Variants in MOB4 observed in about 807,000 individuals in gnomAD.
The protein encoded by MOB4 is MOB family member 4, phocein.
MOB4 carries 4 observed loss-of-function variants against 32.2 expected under a neutral mutation model. That is an observed-to-expected ratio of 0.12 (90% CI 0.06 to 0.28). MOB4 has a LOEUF of 0.28. MOB4 is among the 10% of genes least tolerant of loss of function. MOB4 has a pLI of 1.00. For synonymous variants in MOB4, 88 were observed against 88.1 expected (o/e 1.00, Z 0.01); for missense variants, 158 against 271.2 (o/e 0.58, Z 2.93).
Position 197,553,557 on chromosome 2 carries a change from C to T in MOB4, c.*2911C>T, listed in dbSNP as rs1255083588. 2 of 152,154 alleles carry T rather than the reference C, an allele frequency of 1.3e-5. No homozygotes were observed. Among genetic ancestry groups the T allele is most frequent in the Non-Finnish European group, 1.5e-5 (1 of 68,036 alleles). The allele number at this position is 152,154 out of a possible 1,614,324, so 9.4% of individuals were successfully genotyped here. A position where few individuals can be genotyped will look rare whatever the true frequency, so the allele number is the denominator to read the frequency against. On this transcript the variant is annotated 3_prime_UTR_variant, in exon 8 of 8. Transcript: ENST00000323303. ...TTATGTGAGTACTTTGCCCTACTGTCTATATGATGACATCTTTTTTGAGCA... is the reference window on the plus strand; with the variant it reads ...TTATGTGAGTACTTTGCCCTACTGTTTATATGATGACATCTTTTTTGAGCA...
chr2:197,532,431 T>A (rs1244670441), intron 2 of MOB4, among the ~76,000 whole-genome samples: 1 of 152,124 alleles, frequency 6.6e-6, no homozygotes, highest in Non-Finnish European at 1.5e-5. Context: ...TCCAGTACTT[T>A]GGGAGGCTGA....
At chr2:197,544,569 C>A (rs577844764) in intron 5 of MOB4, among the ~76,000 whole-genome samples, 1 of 152,034 alleles carries the variant, frequency 6.6e-6, no homozygotes, top group Non-Finnish European at 1.5e-5. Flanking sequence ...CTGGCTAACA[C>A]GGTGAAACCC....
In MOB4 at chr2:197,550,504, CCT is replaced by C. The variant is rs1281968171; in HGVS notation, c.547-6_547-5del. 1.3e-6 allele frequency: 2 copies of C among 1,585,936 alleles called. No homozygotes were observed. The highest frequency in any genetic ancestry group is 1.4e-5 in the African/African-American group (1 of 73,676). Reference sequence around the variant, plus strand: ...TGAATTAAAATAACATTTTTGTCTTCCTCTCTACAGAATGAAACATTTTTGTG... The same window carrying C: ...TGAATTAAAATAACATTTTTGTCTTCCTCTACAGAATGAAACATTTTTGTG... On this transcript the variant is annotated splice_polypyrimidine_tract_variant and intron_variant, in intron 7 of 7. Coordinates refer to ENST00000323303, the MANE Select transcript of MOB4 (RefSeq NM_015387.5).
chr2:197,542,891 A>G lies in MOB4; in HGVS notation c.354+2454A>G, dbSNP rs190938954. On this transcript the variant is annotated intron_variant, in intron 5 of 7. Transcript: ENST00000323303. ...AATGTCATCCAAATTAAAAATTCAGAAACCAGTTAAAGGTCTAAAGATACA... is the reference window on the plus strand; with the variant it reads ...AATGTCATCCAAATTAAAAATTCAGGAACCAGTTAAAGGTCTAAAGATACA... Among the ~76,000 whole-genome samples the G allele has an allele frequency of 5.1e-4, 77 of 152,292 alleles. 1 individual carries two copies. The East Asian group carries it at 0.013, about 26-fold the overall frequency.
intron 2 of MOB4, among the ~76,000 whole-genome samples, chr2:197,525,671 C>T (rs1429183459): frequency 6.8e-6 from 1 of 146,956 alleles, no homozygotes; most frequent in Non-Finnish European, 1.5e-5. Context: ...GCTGTGATTG[C>T]ACCACTGCAC....
chr2:197,529,088 C>A (rs2086657993), intron 2 of MOB4, among the ~76,000 whole-genome samples: 3 of 151,742 alleles, frequency 2.0e-5, no homozygotes, highest in Admixed American at 1.3e-4. Context: ...AGCAGTTCTC[C>A]TGCCTCAGCC....
Position 197,550,634 on chromosome 2 carries a change from A to C in MOB4, c.666A>C (p.Glu222Asp), listed in dbSNP as rs139399234. The change falls in exon 8 of 8, where the codon GAA becomes GAC. Residue 222 changes from glutamate (E) to aspartate (D), a missense_variant. Transcript: ENST00000323303. ...EEEVQNSVSGESEA is the reference protein window; with the variant it reads ...EEEVQNSVSGDSEA ...AAGTACAGAATTCAGTTTCTGGGGA[A>C]AGTGAAGCATGAAGGGAATCATAGG... is the stretch of plus-strand genomic sequence containing the variant. The C allele has an allele frequency of 1.3e-6, 2 of 1,598,914 alleles. No individual in the cohort carries two copies. The highest frequency in any genetic ancestry group is 2.3e-5 in the South Asian group (2 of 87,642).
chr2:197,522,426 G>A (rs1023143132), intron 1 of MOB4, among the ~76,000 whole-genome samples: 5 of 148,788 alleles, frequency 3.4e-5, no homozygotes, highest in African/African-American at 5.0e-5. Flanking sequence ...CGCCTCCTGG[G>A]TTCAAGCAAT....
intron 2 of MOB4, among the ~76,000 whole-genome samples, chr2:197,533,640 G>A (rs1460100672): frequency 6.7e-6 from 1 of 148,292 alleles, no homozygotes; most frequent in East Asian, 2.0e-4. Flanking sequence ...CAGGAGAATC[G>A]CTTGAACCCG....
At chr2:197,536,651 G>A (rs773352025) in intron 3 of MOB4, among the ~76,000 whole-genome samples, 1 of 140,040 alleles carries the variant, frequency 7.1e-6, no homozygotes, top group Non-Finnish European at 1.5e-5. Flanking sequence ...GCCTAGGCTG[G>A]AGTGCAGTGG....
intron 2 of MOB4, among the ~76,000 whole-genome samples, chr2:197,524,530 CAAAA>C (rs58552334): frequency 1.8e-5 from 2 of 108,974 alleles, no homozygotes; most frequent in Non-Finnish European, 1.9e-5. Context: ...GACTCTGTCT[CAAAA>C]AAAAAAAAAA....
In MOB4 at chr2:197,546,495, A is replaced by G. The variant is rs144737412; in HGVS notation, c.355-1841A>G. On this transcript the variant is annotated intron_variant, in intron 5 of 7. Transcript: ENST00000323303. The stretch of plus-strand genomic sequence containing the variant: ...TACCTCCCTTGACCTCCTGTGCTCA[A>G]GCAATCCTCCTGCCTCAGCCTTCTT... Among the ~76,000 whole-genome samples, 1,071 of 151,698 alleles carry G rather than the reference A, an allele frequency of 7.1e-3. 9 individuals carry two copies. Among genetic ancestry groups the G allele is most frequent in the African/African-American group, 0.025 (1,023 of 41,348 alleles).
intron 6 of MOB4, 123 bp from the exon 7 acceptor site, chr2:197,550,152 C>T: frequency 1.2e-6 from 1 of 841,976 alleles, no homozygotes; most frequent in Non-Finnish European, 1.8e-6. Context: ...GCAGTGTGAC[C>T]TTGGAGTAGT....
At chr2:197,519,187 C>T (rs1266713872) in intron 1 of MOB4, among the ~76,000 whole-genome samples, 5 of 152,294 alleles carry the variant, frequency 3.3e-5, no homozygotes, top group South Asian at 2.1e-4. Context: ...CAAGCCACCA[C>T]GCTGGGCTTC....
intron 2 of MOB4, among the ~76,000 whole-genome samples, chr2:197,524,487 C>G (rs192030531): frequency 2.1e-5 from 3 of 144,986 alleles, no homozygotes; most frequent in African/African-American, 7.7e-5. Flanking sequence ...GAGCCAAGAT[C>G]ATGCCACTGC....
intron 6 of MOB4, among the ~76,000 whole-genome samples, chr2:197,548,983 C>T (rs1175550646): frequency 5.3e-5 from 8 of 151,994 alleles, no homozygotes; most frequent in Admixed American, 5.2e-4. Context: ...AATCCCAGCA[C>T]TTTGGGAGGC....
intron 6 of MOB4, 117 bp downstream of exon 6, chr2:197,548,532 A>C: frequency 1.5e-6 from 1 of 661,118 alleles, no homozygotes; most frequent in Non-Finnish European, 2.5e-6. Flanking sequence ...CTAAATGATG[A>C]GTTAATGGGT....
At chr2:197,530,229 A>C (rs1419842446) in intron 2 of MOB4, among the ~76,000 whole-genome samples, 1 of 151,350 alleles carries the variant, frequency 6.6e-6, no homozygotes, top group African/African-American at 2.4e-5. Context: ...CGGCCTCCCA[A>C]AGTGCTAGGA....
At chr2:197,530,234 C>G (rs2086676908) in intron 2 of MOB4, among the ~76,000 whole-genome samples, 1 of 151,888 alleles carries the variant, frequency 6.6e-6, no homozygotes, top group Non-Finnish European at 1.5e-5. Flanking sequence ...TCCCAAAGTG[C>G]TAGGATTACA....
Sources: gnomAD v4.1 joint callset for allele counts (sites outside exome capture counted in the v4.1 genomes callset) on GRCh38, gnomAD v4.1.1 for gene constraint, MANE v1.5 for transcripts, NCBI Gene and HGNC (gene_info 2026-07-23, HGNC 2026-07-21) for gene names.